The following ETFA variants were observed in gnomAD, a reference collection of about 807,000 sequenced individuals.
The protein encoded by ETFA is electron transfer flavoprotein subunit alpha, mitochondrial.
Under a neutral mutation model 46.2 loss-of-function variants are expected in ETFA, and 22 were observed. The observed-to-expected ratio is 0.48, with a 90% CI of 0.34 to 0.68. The LOEUF (loss-of-function observed/expected upper bound fraction) is 0.68, where lower values mean the gene tolerates loss of function less well. ETFA is among the 30% of genes least tolerant of loss of function. The pLI is 0.01. For synonymous variants in ETFA, 131 were observed against 139.9 expected (o/e 0.94, Z 0.45); for missense variants, 345 against 401.1 (o/e 0.86, Z 1.19).
At position 76,287,909 on chromosome 15, in the gene ETFA, C is replaced by T; in HGVS notation, c.388G>A (p.Ala130Thr). Residue 130 changes from alanine (A) to threonine (T), a missense_variant, in exon 5 of 12, where the codon GCC becomes ACC. Physicochemically the swap from Ala to Thr is moderately conservative, Grantham distance 58 (BLOSUM62 0). Coordinates refer to ENST00000557943, the MANE Select transcript of ETFA (RefSeq NM_000126.4). The stretch of plus-strand genomic sequence containing the variant: ...ATTGCAATGATGTCAGAAATCGGGG[C>T]AACCTCAAGTTTGGCTGCTACTCTG... ...LPRVAAKLEV[A>T]PISDIIAIKS... The T allele has an allele frequency of 1.9e-6, 3 of 1,614,018 alleles. No homozygotes were observed. Among genetic ancestry groups the T allele is most frequent in the Non-Finnish European group, 2.5e-6 (3 of 1,179,918 alleles).
chr15:76,263,860 TA>T (rs972491501), intron 9 of ETFA, among the ~76,000 whole-genome samples: 1 of 151,988 alleles, frequency 6.6e-6, no homozygotes, highest in Non-Finnish European at 1.5e-5. Context: ...AAAGGAAAAC[TA>T]AAAAAAGTAT....
intron 9 of ETFA, among the ~76,000 whole-genome samples, chr15:76,249,315 A>G (rs2039273432): frequency 6.6e-6 from 1 of 150,912 alleles, no homozygotes; most frequent in Admixed American, 6.6e-5. Context: ...TTTAGTAGAG[A>G]TGGGGTTTCT....
At chr15:76,223,216 C>CTTTTTTT (rs3065601) in intron 11 of ETFA, among the ~76,000 whole-genome samples, 1 of 122,020 alleles carries the variant, frequency 8.2e-6, no homozygotes, top group Non-Finnish European at 1.6e-5. Context: ...TACTTCAGAA[C>CTTTTTTT]TTTTTTTTTT....
chr15:76,233,192 C>T (rs1038616566), intron 9 of ETFA, among the ~76,000 whole-genome samples: 6 of 152,136 alleles, frequency 3.9e-5, no homozygotes, highest in African/African-American at 1.4e-4. Context: ...TCCAGTGTGT[C>T]AATTGTGACC....
chr15:76,233,736 AAAACCCGGC>A (rs1316683804), intron 9 of ETFA, among the ~76,000 whole-genome samples: 7 of 152,210 alleles, frequency 4.6e-5, no homozygotes, highest in Non-Finnish European at 1.0e-4. Flanking sequence ...CATATTCAGA[AAAACCCGGC>A]AAACAAATTC....
chr15:76,303,179 G>A (rs2039897879), intron 1 of ETFA, among the ~76,000 whole-genome samples: 1 of 152,014 alleles, frequency 6.6e-6, no homozygotes, highest in Non-Finnish European at 1.5e-5. Context: ...GTGGTGGCAG[G>A]AGTCTGTAAT....
intron 9 of ETFA, chr15:76,274,100 A>G (rs1011444508): frequency 8.8e-6 from 3 of 339,718 alleles, no homozygotes; most frequent in South Asian, 6.5e-5. Context: ...AATCTTATCA[A>G]TGTGAACTTA....
At chr15:76,260,508 ACT>A in intron 9 of ETFA, 5 of 1,516,402 alleles carry the variant, frequency 3.3e-6, no homozygotes, top group Non-Finnish European at 4.6e-6. Flanking sequence ...TCCACAGCCA[ACT>A]GCACTGGAGA....
rs1172499889 is a variant in ETFA at position 76,311,391 on chromosome 15, T to C, written c.-3A>G. 9 of 1,561,780 alleles carry C rather than the reference T, an allele frequency of 5.8e-6. No homozygotes were observed. The East Asian group carries it at 1.7e-4, about 29-fold the overall frequency. ...CCCGGAGCCGCCGCTCGGAACATGG[T>C]CTCCGCTTCCGCCGCAACCTCGGCC... On this transcript the variant is annotated 5_prime_UTR_variant, in exon 1 of 12. Transcript: ENST00000557943.
chr15:76,295,450 G>A (rs1191693119), intron 2 of ETFA, 141 bp downstream of exon 2: 1 of 759,324 alleles, frequency 1.3e-6, no homozygotes, highest in Non-Finnish European at 2.4e-6. Context: ...TTCACACATG[G>A]TAATGGTTGT....
At chr15:76,272,418 C>T (rs958615750) in intron 9 of ETFA, among the ~76,000 whole-genome samples, 1 of 151,998 alleles carries the variant, frequency 6.6e-6, no homozygotes. Context: ...GACGGGGTTT[C>T]ACCATATTAG....
intron 2 of ETFA, among the ~76,000 whole-genome samples, chr15:76,293,590 T>C (rs751792693): frequency 6.6e-6 from 1 of 152,260 alleles, no homozygotes; most frequent in Non-Finnish European, 1.5e-5. Flanking sequence ...TTTTTAAGTA[T>C]CTTTATTACC....
At position 76,272,259 on chromosome 15, in the gene ETFA, C is replaced by T. The variant is rs771869938; in HGVS notation, c.816+2153G>A. ...TTTTTGGAGACAGTCTCGCTCTTGT[C>T]GCCCAGGCTGGAGTGCAGTGGCACA... On this transcript the variant is annotated intron_variant, in intron 9 of 11. Coordinates refer to ENST00000557943, the MANE Select transcript of ETFA (RefSeq NM_000126.4). 1.1e-4 allele frequency among the ~76,000 whole-genome samples: 16 copies of T among 145,298 alleles called. 1 individual carries two copies. The highest frequency in any genetic ancestry group is 3.6e-4 in the African/African-American group (14 of 38,626).
chr15:76,222,371 A>T (rs2038965075), intron 11 of ETFA, among the ~76,000 whole-genome samples: 1 of 151,664 alleles, frequency 6.6e-6, no homozygotes, highest in African/African-American at 2.4e-5. Context: ...GATTTTTAAA[A>T]TATTTTAAAT....
intron 1 of ETFA, 66 bp from the exon 2 acceptor site, chr15:76,295,803 T>TA: frequency 2.5e-6 from 3 of 1,179,776 alleles, no homozygotes; most frequent in East Asian, 2.5e-5. Context: ...TTTTTTTTTT[T>TA]ACTAATTGTT....
chr15:76,310,369 G>GAAAAAAAAAAAAAAAAAAAAAAA (rs34111559), intron 1 of ETFA, among the ~76,000 whole-genome samples: 16 of 104,440 alleles, frequency 1.5e-4, no homozygotes, highest in African/African-American at 5.2e-4. Context: ...TCCATGCCCA[G>GAAAAAAAAAAAAAAAAAAAAAAA]AAAAAAAAAA....
intron 4 of ETFA, among the ~76,000 whole-genome samples, chr15:76,289,914 C>T (rs2039742554): frequency 6.6e-6 from 1 of 152,192 alleles, no homozygotes; most frequent in South Asian, 2.1e-4. Context: ...AACACCCTTT[C>T]ATGGTCTAAC....
At chr15:76,273,591 C>T (rs1257826507) in intron 9 of ETFA, among the ~76,000 whole-genome samples, 1 of 146,702 alleles carries the variant, frequency 6.8e-6, no homozygotes, top group African/African-American at 2.5e-5. Context: ...ACAAAAAAAA[C>T]TTCAAAAATA....
intron 9 of ETFA, among the ~76,000 whole-genome samples, chr15:76,251,256 C>A (rs2039295005): frequency 6.6e-6 from 1 of 151,956 alleles, no homozygotes; most frequent in Non-Finnish European, 1.5e-5. Flanking sequence ...ATGATGGGGT[C>A]CAGAGGAAAA....
Sources: allele counts gnomAD v4.1 joint callset (sites outside exome capture counted in the v4.1 genomes callset), GRCh38; gene constraint gnomAD v4.1.1; transcripts MANE v1.5; gene names NCBI Gene and HGNC (gene_info 2026-07-23, HGNC 2026-07-21).